Variants in SDK1 observed in about 807,000 individuals in gnomAD.
SDK1 encodes the protein sidekick cell adhesion molecule 1.
SDK1 carries 157 observed loss-of-function variants against 245.5 expected under a neutral mutation model. The ratio of observed to expected loss-of-function variants is 0.64; its 90% CI spans 0.56 to 0.73. The LOEUF is 0.73. Ranked by LOEUF, SDK1 falls within the 30% of genes least tolerant of loss-of-function variation. The pLI is 0.00. For missense variants in SDK1, 3,583 were observed against 3,002.3 expected, an observed-to-expected ratio of 1.19 and a Z score of -4.52; for synonymous variants, 1,647 against 1,278.5, an observed-to-expected ratio of 1.29 and a Z score of -6.15.
Position 4,113,426 on chromosome 7 carries a change from G to A in SDK1, c.3572G>A (p.Arg1191Gln), listed in dbSNP as rs377301442. ...CGTACTGCCAGTGAGACCAGCCTGC[G>A]GCTTCGCTGGGTGGTGAGTGGGGGT... ...TVRTASETSL[R>Q]LRWVPLPDSQ... is the part of the protein sequence containing the mutation. Residue 1191 changes from arginine (R) to glutamine (Q), a missense_variant, in exon 24 of 45, where the codon CGG (arginine) becomes CAG (glutamine). By Grantham distance (43) the Arg-to-Gln change is conservative. Coordinates refer to ENST00000404826, the MANE Select transcript of SDK1 (RefSeq NM_152744.4). 10 of 1,613,644 alleles carry A rather than the reference G, an allele frequency of 6.2e-6. No homozygotes were observed. Among genetic ancestry groups the A allele is most frequent in the Admixed American group, 5.0e-5 (3 of 59,998 alleles).
intron 17 of SDK1, among the ~76,000 whole-genome samples, chr7:4,039,488 C>T (rs547196304): frequency 1.5e-3 from 225 of 152,216 alleles, no homozygotes; most frequent in African/African-American, 5.2e-3. Context: ...TGCATACATC[C>T]TCAAGAATGT....
chr7:3,638,740 T>A (rs567365448), intron 2 of SDK1, among the ~76,000 whole-genome samples: 81 of 151,202 alleles, frequency 5.4e-4, no homozygotes, highest in South Asian at 1.7e-3. Context: ...CATATGTAAC[T>A]AACCTGCACG....
At chr7:4,262,738 A>C (rs1583199728) in intron 44 of SDK1, among the ~76,000 whole-genome samples, 4 of 57,488 alleles carry the variant, frequency 7.0e-5, no homozygotes, top group African/African-American at 1.5e-4. Flanking sequence ...CTACTTAATC[A>C]CACCCCACCC....
intron 1 of SDK1, among the ~76,000 whole-genome samples, chr7:3,427,889 G>C (rs1180104332): frequency 1.8e-5 from 2 of 114,240 alleles, no homozygotes; most frequent in Non-Finnish European, 3.5e-5. Context: ...TGTCGTTAGT[G>C]TCTCTTAGAT....
At chr7:4,049,237 G>A in intron 17 of SDK1, 111 bp from the exon 18 acceptor site, 1 of 729,112 alleles carries the variant, frequency 1.4e-6, no homozygotes, top group Non-Finnish European at 2.4e-6. Flanking sequence ...CGGTCTCAGT[G>A]CAATAATTGC....
intron 1 of SDK1, among the ~76,000 whole-genome samples, chr7:3,437,700 G>A (rs1388466177): frequency 6.6e-6 from 1 of 152,188 alleles, no homozygotes; most frequent in Non-Finnish European, 1.5e-5. Context: ...AGTGAGCTGT[G>A]ATCGTGCCAC....
intron 5 of SDK1, among the ~76,000 whole-genome samples, chr7:3,908,846 G>A (rs533353413): frequency 1.7e-4 from 25 of 148,414 alleles, no homozygotes; most frequent in African/African-American, 6.0e-4. Flanking sequence ...TTTTTTTTTG[G>A]TACCTTAGAA....
chr7:3,778,518 C>G (rs1015759518), intron 4 of SDK1, among the ~76,000 whole-genome samples: 1 of 152,172 alleles, frequency 6.6e-6, no homozygotes, highest in African/African-American at 2.4e-5. Context: ...TTTCATCTAA[C>G]AGTTATTTCT....
chr7:3,971,922 G>T (rs1453318124), intron 12 of SDK1, among the ~76,000 whole-genome samples: 1 of 152,160 alleles, frequency 6.6e-6, no homozygotes, highest in South Asian at 2.1e-4. Context: ...GTTTACACGG[G>T]GGCTGTGCCA....
At chr7:3,861,306 AG>A (rs1780686723) in intron 5 of SDK1, among the ~76,000 whole-genome samples, 1 of 152,176 alleles carries the variant, frequency 6.6e-6, no homozygotes, top group Admixed American at 6.5e-5. Context: ...ACTCTCCACT[AG>A]TTATTTAAGT....
chr7:3,613,364 A>T (rs1158665055), intron 1 of SDK1, among the ~76,000 whole-genome samples: 1 of 152,180 alleles, frequency 6.6e-6, no homozygotes, highest in Non-Finnish European at 1.5e-5. Flanking sequence ...TTTACATTGG[A>T]TCTGAAAACC....
At chr7:4,230,160 A>C (rs1785661575) in intron 40 of SDK1, among the ~76,000 whole-genome samples, 1 of 64,916 alleles carries the variant, frequency 1.5e-5, no homozygotes, top group Admixed American at 2.4e-4. Context: ...AATGGAAGGA[A>C]GGAAGGAAGG....
chr7:4,099,205 A>G (rs1019987019), intron 22 of SDK1, among the ~76,000 whole-genome samples: 2 of 151,940 alleles, frequency 1.3e-5, no homozygotes, highest in Non-Finnish European at 2.9e-5. Context: ...AAAGTTGCAC[A>G]GCACCTGTCG....
At chr7:4,194,001 C>T (rs1020917037) in intron 35 of SDK1, among the ~76,000 whole-genome samples, 1 of 152,150 alleles carries the variant, frequency 6.6e-6, no homozygotes, top group African/African-American at 2.4e-5. Context: ...ACGCCAAGGA[C>T]TATCAGCATT....
chr7:3,948,633 C>T (rs564167531), intron 5 of SDK1, among the ~76,000 whole-genome samples: 3 of 152,322 alleles, frequency 2.0e-5, no homozygotes, highest in African/African-American at 7.2e-5. Flanking sequence ...TGGAGCTGAA[C>T]CCCGTGATGG....
chr7:3,474,571 T>C (rs184654678), intron 1 of SDK1, among the ~76,000 whole-genome samples: 4 of 152,254 alleles, frequency 2.6e-5, no homozygotes, highest in African/African-American at 9.6e-5. Flanking sequence ...TCACACTTTG[T>C]GTCTTACCTG....
At chr7:3,674,242 G>A (rs1352373877) in intron 4 of SDK1, among the ~76,000 whole-genome samples, 2 of 152,166 alleles carry the variant, frequency 1.3e-5, no homozygotes, top group Middle Eastern at 3.2e-3. Flanking sequence ...AAAGTTAGAC[G>A]ACATGAGATT....
intron 1 of SDK1, among the ~76,000 whole-genome samples, chr7:3,555,909 G>A (rs1779573138): frequency 6.6e-6 from 1 of 152,072 alleles, no homozygotes; most frequent in Admixed American, 6.6e-5. Flanking sequence ...CTTAAAGACA[G>A]GCAGTAACAA....
chr7:3,710,554 G>T (rs59839518), intron 4 of SDK1, among the ~76,000 whole-genome samples: 19,110 of 152,200 alleles, frequency 0.13, 1,844 homozygotes, highest in African/African-American at 0.27. Context: ...GTAGTTTCTC[G>T]TAGTTAAAAC....
Sources: allele counts gnomAD v4.1 joint callset (sites outside exome capture counted in the v4.1 genomes callset), GRCh38; gene constraint gnomAD v4.1.1; transcripts MANE v1.5; gene names NCBI Gene and HGNC (gene_info 2026-07-23, HGNC 2026-07-21).